The following TSPAN19 variants were observed in gnomAD, a reference collection of about 807,000 sequenced individuals.
The protein encoded by TSPAN19 is tetraspanin 19.
Under a neutral mutation model 35.1 loss-of-function variants are expected in TSPAN19, and 44 were observed. That is an observed-to-expected ratio of 1.25 (90% confidence interval 0.98 to 1.61). The LOEUF (loss-of-function observed/expected upper bound fraction) is 1.61, where lower values mean the gene tolerates loss of function less well. TSPAN19 is among the 40% of genes most tolerant of loss of function. TSPAN19 has a pLI of 0.00. For missense variants in TSPAN19, 290 were observed against 280.0 expected, an observed-to-expected ratio of 1.04 and a Z score of -0.26; for synonymous variants, 79 against 92.0, an observed-to-expected ratio of 0.86 and a Z score of 0.81.
chr12:85,034,714 A>G (rs1334503621), intron 1 of TSPAN19, among the ~76,000 whole-genome samples: 3 of 152,200 alleles, frequency 2.0e-5, no homozygotes, highest in Non-Finnish European at 4.4e-5. Flanking sequence ...CTACAAATGT[A>G]TTAGATAACT....
At position 85,028,003 on chromosome 12, in the gene TSPAN19, CT is replaced by C. The variant is rs1453016412; in HGVS notation, c.159del (p.Ile53MetfsTer8). ...LTAFDENNHFIVPISQILIGM... is the reference protein window; with the variant it reads ...LTAFDENNHFXVPISQILIGM... The stretch of plus-strand genomic sequence containing the variant: ...CCAATCAAAATTTGAGAAATAGGTA[CT>C]ATGAAGTGATTATTTTCATCTGTGA... On this transcript the variant is annotated frameshift_variant, in exon 4 of 9. Transcript: ENST00000532498. LOFTEE classifies it high-confidence loss of function. 1.3e-6 allele frequency: 2 copies of C among 1,575,054 alleles called. No homozygotes were observed. Among genetic ancestry groups the C allele is most frequent in the East Asian group, 2.3e-5 (1 of 43,850 alleles).
intron 5 of TSPAN19, among the ~76,000 whole-genome samples, chr12:85,021,651 A>T (rs1877133573): frequency 6.6e-6 from 1 of 152,134 alleles, no homozygotes; most frequent in Non-Finnish European, 1.5e-5. Context: ...GTAAGCATCT[A>T]TGAAAGGCCT....
At chr12:85,021,834 C>T (rs1018491010) in intron 5 of TSPAN19, among the ~76,000 whole-genome samples, 1 of 152,056 alleles carries the variant, frequency 6.6e-6, no homozygotes, top group Non-Finnish European at 1.5e-5. Context: ...CCATGAAATA[C>T]TTTAACAAGC....
Position 85,019,646 on chromosome 12 carries a change from G to A in TSPAN19, c.430C>T (p.Leu144=), listed in dbSNP as rs1877009357. The A allele has an allele frequency of 6.2e-7, 1 of 1,603,612 alleles. No individual in the cohort carries two copies. Among genetic ancestry groups the A allele is most frequent in the Admixed American group, 1.7e-5 (1 of 58,944 alleles). ...KPEDITKWTI[L]NALQKTLQCC... The stretch of plus-strand genomic sequence containing the variant: ...CTTACTGTTTTCTGTAAGGCATTCA[G>A]AATAGTCCACTTGGTTATATCTTCA... The change falls in exon 6 of 9, where the codon CTG becomes TTG. Residue 144 remains leucine (L), a synonymous_variant. Coordinates refer to ENST00000532498, the MANE Select transcript of TSPAN19 (RefSeq NM_001100917.2).
At chr12:85,021,706 G>T (rs1203973501) in intron 5 of TSPAN19, among the ~76,000 whole-genome samples, 1 of 152,036 alleles carries the variant, frequency 6.6e-6, no homozygotes, top group Non-Finnish European at 1.5e-5. Context: ...TGGCATAAAA[G>T]ATTTAGAGGC....
intron 4 of TSPAN19, among the ~76,000 whole-genome samples, chr12:85,026,157 C>T (rs1461250847): frequency 6.6e-6 from 1 of 152,108 alleles, no homozygotes; most frequent in Non-Finnish European, 1.5e-5. Flanking sequence ...CCTCTACTTT[C>T]CCCCTTCATT....
intron 5 of TSPAN19, among the ~76,000 whole-genome samples, chr12:85,022,889 T>C (rs1351138159): frequency 6.6e-6 from 1 of 152,076 alleles, no homozygotes; most frequent in Non-Finnish European, 1.5e-5. Flanking sequence ...CTGTGGAAAA[T>C]ATAGGAATTA....
At chr12:85,016,983 C>T (rs1215070582) in intron 7 of TSPAN19, 1 of 154,000 alleles carries the variant, frequency 6.5e-6, no homozygotes, top group East Asian at 1.9e-4. Context: ...CAGTATCCCA[C>T]ACCTGTAAAT....
At position 85,027,759 on chromosome 12, in the gene TSPAN19, G is replaced by A. The variant is rs1178839804; in HGVS notation, c.264+140C>T. On this transcript the variant is annotated intron_variant, in intron 4 of 8. Coordinates refer to ENST00000532498, the MANE Select transcript of TSPAN19 (RefSeq NM_001100917.2). ...AGGAAAAGTGACTTTGTTGGAGGGA[G>A]GAGGGTGTGCTTCATTTGAATTACT... is the stretch of plus-strand genomic sequence containing the variant. The A allele has an allele frequency of 1.8e-5, 14 of 791,968 alleles. No individual in the cohort carries two copies. In the East Asian group the frequency reaches 4.5e-4, roughly 26 times the overall value. The allele number at this position is 791,968 out of a possible 1,614,324, so 49.1% of individuals were successfully genotyped here.
intron 4 of TSPAN19, 82 bp from the exon 5 acceptor site, chr12:85,023,482 A>G: frequency 9.1e-7 from 1 of 1,102,456 alleles, no homozygotes; most frequent in Non-Finnish European, 1.3e-6. Flanking sequence ...AACACACACC[A>G]TTGGAAATAT....
chr12:85,025,423 AGC>A (rs1877354433), intron 4 of TSPAN19, among the ~76,000 whole-genome samples: 1 of 152,116 alleles, frequency 6.6e-6, no homozygotes, highest in South Asian at 2.1e-4. Flanking sequence ...TACAGGCGTG[AGC>A]CACCACACCC....
At chr12:85,015,609 G>A (rs1308665008) in intron 8 of TSPAN19, 1 of 203,368 alleles carries the variant, frequency 4.9e-6, no homozygotes, top group Non-Finnish European at 9.6e-6. Context: ...TACATCAATA[G>A]ATCTATTTAT....
chr12:85,016,237 T>C (rs1876788664), intron 7 of TSPAN19: 3 of 310,868 alleles, frequency 9.7e-6, no homozygotes, highest in Non-Finnish European at 1.8e-5. Flanking sequence ...TTTTCTCTTC[T>C]GCAGACTATT....
intron 1 of TSPAN19, among the ~76,000 whole-genome samples, 152 bp from the exon 2 acceptor site, chr12:85,030,125 T>C (rs754851145): frequency 1.1e-4 from 16 of 152,126 alleles, no homozygotes; most frequent in Non-Finnish European, 1.9e-4. Flanking sequence ...ATTGAAGGTA[T>C]CTTGAAACTG....
At chr12:85,020,782 C>T (rs1592660809) in intron 5 of TSPAN19, among the ~76,000 whole-genome samples, 1 of 152,036 alleles carries the variant, frequency 6.6e-6, no homozygotes, top group Admixed American at 6.6e-5. Context: ...TCCAATCACA[C>T]TTTCACATGA....
At chr12:85,017,092 A>AT (rs1876853576) in intron 7 of TSPAN19, 1 of 199,586 alleles carries the variant, frequency 5.0e-6, no homozygotes, top group Admixed American at 6.3e-5. Flanking sequence ...GTTTTTGCCT[A>AT]TTCTTTTACT....
intron 4 of TSPAN19, among the ~76,000 whole-genome samples, 171 bp from the exon 5 acceptor site, chr12:85,023,571 C>T (rs529942854): frequency 4.0e-4 from 61 of 152,074 alleles, no homozygotes; most frequent in Middle Eastern, 3.4e-3. Flanking sequence ...AATAGCAAGG[C>T]AAAGTAAAAA....
At chr12:85,022,745 A>G (rs1260385228) in intron 5 of TSPAN19, among the ~76,000 whole-genome samples, 1 of 152,102 alleles carries the variant, frequency 6.6e-6, no homozygotes, top group Non-Finnish European at 1.5e-5. Flanking sequence ...AAATGTCCTA[A>G]AGGATTAAAA....
intron 6 of TSPAN19, among the ~76,000 whole-genome samples, chr12:85,018,331 G>A (rs546832643): frequency 5.3e-5 from 8 of 151,890 alleles, no homozygotes; most frequent in African/African-American, 1.2e-4. Context: ...AACAATCTAC[G>A]ACAATTCTAG....
Sources: gnomAD v4.1 joint callset for allele counts (sites outside exome capture counted in the v4.1 genomes callset) on GRCh38, gnomAD v4.1.1 for gene constraint, MANE v1.5 for transcripts, NCBI Gene and HGNC (gene_info 2026-07-23, HGNC 2026-07-21) for gene names.